The following HECTD2 variants were observed in gnomAD, a reference collection of about 807,000 sequenced individuals.
The protein encoded by HECTD2 is HECT domain E3 ubiquitin protein ligase 2.
In HECTD2, 35 loss-of-function variants were observed where a neutral mutation model predicts 103.2. The ratio of observed to expected loss-of-function variants is 0.34; its 90% confidence interval spans 0.26 to 0.45. The LOEUF is 0.45. Among genes scored for constraint, HECTD2 ranks in the 20% least tolerant of loss-of-function variants. The pLI is 1.00. For missense variants in HECTD2, 596 were observed against 937.4 expected, an observed-to-expected ratio of 0.64 and a Z score of 4.76; for synonymous variants, 281 against 329.9, an observed-to-expected ratio of 0.85 and a Z score of 1.61.
In HECTD2 at chr10:91,500,402, G is replaced by A. The variant is rs2133349517; in HGVS notation, c.1951-100G>A. 6 of 408,042 alleles carry A rather than the reference G, an allele frequency of 1.5e-5. No individual in the cohort carries two copies. In the East Asian group the frequency reaches 1.9e-4, roughly 13 times the overall value. The allele number at this position is 408,042 out of a possible 1,614,324, so 25.3% of individuals were successfully genotyped here. On this transcript the variant is annotated intron_variant, in intron 18 of 20. Coordinates refer to ENST00000298068, the MANE Select transcript of HECTD2 (RefSeq NM_182765.6). ...ACAAAAATGGTTTGATTTACTATGA[G>A]AAATCATGACTTTTGTGATTTGATC...
chr10:91,491,564 G>A (rs999358597), intron 12 of HECTD2, among the ~76,000 whole-genome samples: 2 of 152,128 alleles, frequency 1.3e-5, no homozygotes, highest in Non-Finnish European at 1.5e-5. Flanking sequence ...AGGATTTGAT[G>A]TAGAACACTT....
chr10:91,413,807 A>G (rs531061722), intron 1 of HECTD2, among the ~76,000 whole-genome samples: 73 of 152,330 alleles, frequency 4.8e-4, no homozygotes, highest in Non-Finnish European at 1.0e-3. Context: ...GGTTCCAGTT[A>G]GAGATTCTCA....
upstream of HECTD2, among the ~76,000 whole-genome samples, chr10:91,410,086 T>C (rs529304135): frequency 2.0e-5 from 3 of 152,044 alleles, no homozygotes; most frequent in South Asian, 4.2e-4. Flanking sequence ...GCAAACAATA[T>C]GGCGGTCGGG....
intron 2 of HECTD2, among the ~76,000 whole-genome samples, chr10:91,437,639 GGTT>G (rs1332300576): frequency 3.7e-5 from 4 of 107,726 alleles, no homozygotes; most frequent in Non-Finnish European, 7.9e-5. Flanking sequence ...TTTTTTTTTT[GGTT>G]GTTTTGTTTT....
intron 5 of HECTD2, among the ~76,000 whole-genome samples, chr10:91,473,701 T>G (rs1845808812): frequency 6.6e-6 from 1 of 152,200 alleles, no homozygotes; most frequent in African/African-American, 2.4e-5. Flanking sequence ...TTCCACTTAA[T>G]AAACAGTAGA....
chr10:91,411,847 G>T (rs1161785168), intron 1 of HECTD2, among the ~76,000 whole-genome samples: 1 of 152,102 alleles, frequency 6.6e-6, no homozygotes, highest in Admixed American at 6.6e-5. Flanking sequence ...TGGTACCCTA[G>T]GTTTTCAGAT....
At chr10:91,441,890 TTTTTTTTTTTTTTTTTTC>T (rs1844403945) in intron 2 of HECTD2, among the ~76,000 whole-genome samples, 1 of 134,628 alleles carries the variant, frequency 7.4e-6, no homozygotes, top group African/African-American at 3.5e-5. Flanking sequence ...CCCTTGCTTT[TTTTTTTTTTTTTTTTTTC>T]TTTTTTTTTT....
chr10:91,487,340 A>G lies in HECTD2; in HGVS notation c.1095-342A>G, dbSNP rs1423996539. The G allele has an allele frequency of 3.6e-6, 1 of 276,788 alleles. No homozygotes were observed. Among genetic ancestry groups the G allele is most frequent in the Non-Finnish European group, 7.1e-6 (1 of 139,964 alleles). 17.1% of individuals were successfully genotyped at this position (276,788 alleles called of 1,614,324 possible). A position where few individuals can be genotyped will look rare whatever the true frequency, so the allele number is the denominator to read the frequency against. On this transcript the variant is annotated intron_variant, in intron 10 of 20. Coordinates refer to ENST00000298068, the MANE Select transcript of HECTD2 (RefSeq NM_182765.6). The surrounding 1 kb of genome is among the most constrained non-coding windows in gnomAD (Gnocchi z 4.1). The stretch of plus-strand genomic sequence containing the variant: ...GCACCTGGGTTTTCTGTACTACTTA[A>G]CCAACACTTCTCCCTCCTGGTTCTG...
chr10:91,420,234 T>C (rs1161905970), intron 1 of HECTD2, among the ~76,000 whole-genome samples: 1 of 151,662 alleles, frequency 6.6e-6, no homozygotes, highest in Non-Finnish European at 1.5e-5. Flanking sequence ...AAGAGACTTA[T>C]TAGACCAAGG....
chr10:91,460,716 T>C, intron 3 of HECTD2, 151 bp downstream of exon 3: 1 of 629,814 alleles, frequency 1.6e-6, no homozygotes, highest in Non-Finnish European at 2.4e-6. Flanking sequence ...AAGTTGAAGG[T>C]GAAAGAAAAC....
intron 1 of HECTD2, among the ~76,000 whole-genome samples, chr10:91,417,969 T>G (rs1220348565): frequency 6.6e-6 from 1 of 152,200 alleles, no homozygotes; most frequent in Admixed American, 6.5e-5. Context: ...TGAACTAGTT[T>G]ACAGTCCCAC....
chr10:91,476,689 C>A (rs1191771602), intron 5 of HECTD2, among the ~76,000 whole-genome samples: 1 of 152,214 alleles, frequency 6.6e-6, no homozygotes, highest in African/African-American at 2.4e-5. Flanking sequence ...TTGCTGGCTT[C>A]TTTCTCCGTC....
At chr10:91,500,230 T>A (rs758509214) in intron 18 of HECTD2, among the ~76,000 whole-genome samples, 6 of 152,208 alleles carry the variant, frequency 3.9e-5, no homozygotes, top group Non-Finnish European at 7.4e-5. Flanking sequence ...ATGCTGGTTT[T>A]TGGAGAAGAG....
intron 2 of HECTD2, among the ~76,000 whole-genome samples, chr10:91,438,239 C>T (rs372291905): frequency 7.2e-5 from 11 of 152,138 alleles, no homozygotes; most frequent in Non-Finnish European, 1.5e-5. Context: ...CCTAGTCCCC[C>T]ACTCACTGAC....
At position 91,425,196 on chromosome 10, in the gene HECTD2, C is replaced by A. The variant is rs901534141; in HGVS notation, c.139-85C>A. Reference sequence around the variant, plus strand: ...TATCTACTCGTCATCAAATTAAAATCTCTTATAAATGTTTGTGATTTTTGC... The same window carrying A: ...TATCTACTCGTCATCAAATTAAAATATCTTATAAATGTTTGTGATTTTTGC... On this transcript the variant is annotated intron_variant, in intron 1 of 20. Transcript: ENST00000298068. 7 of 1,105,782 alleles carry A rather than the reference C, an allele frequency of 6.3e-6. No individual in the cohort carries two copies. The South Asian group carries it at 1.3e-4, about 20-fold the overall frequency. 68.5% of individuals were successfully genotyped at this position (1,105,782 alleles called of 1,614,324 possible).
intron 1 of HECTD2, among the ~76,000 whole-genome samples, chr10:91,411,992 A>G (rs1842930365): frequency 7.2e-6 from 1 of 138,168 alleles, no homozygotes; most frequent in Non-Finnish European, 1.5e-5. Flanking sequence ...GCTCTCCCAA[A>G]AACCTATTCA....
At chr10:91,495,316 G>C (rs1005363511) in intron 14 of HECTD2, among the ~76,000 whole-genome samples, 1 of 151,960 alleles carries the variant, frequency 6.6e-6, no homozygotes, top group Non-Finnish European at 1.5e-5. Flanking sequence ...TGTTGTTCTA[G>C]TAGTTCTGAC....
chr10:91,431,038 T>C (rs1265566568), intron 2 of HECTD2, among the ~76,000 whole-genome samples: 1 of 151,692 alleles, frequency 6.6e-6, no homozygotes, highest in East Asian at 1.9e-4. Flanking sequence ...TTTCCATGTT[T>C]AGTGCTTCCT....
intron 1 of HECTD2, among the ~76,000 whole-genome samples, chr10:91,413,768 G>A (rs527295367): frequency 6.6e-6 from 1 of 152,314 alleles, no homozygotes; most frequent in East Asian, 1.9e-4. Context: ...CAGGCGTGGT[G>A]GGGAATTGAA....
Sources: gnomAD v4.1 joint callset for allele counts (sites outside exome capture counted in the v4.1 genomes callset) on GRCh38, gnomAD v4.1.1 for gene constraint, Gnocchi (gnomAD v3.1) non-coding constraint, MANE v1.5 for transcripts, NCBI Gene and HGNC (gene_info 2026-07-23, HGNC 2026-07-21) for gene names.